CNTN5: variants seen among roughly 807,000 people sequenced by gnomAD.
The protein encoded by CNTN5 is contactin 5.
A neutral mutation model predicts 129.1 loss-of-function variants in CNTN5; 77 were observed. That is an observed-to-expected ratio of 0.60 (90% CI 0.50 to 0.72). The LOEUF (loss-of-function observed/expected upper bound fraction) is 0.72, where lower values mean the gene tolerates loss of function less well. Ranked by LOEUF, CNTN5 falls within the 30% of genes least tolerant of loss-of-function variation. CNTN5 has a pLI of 0.00. For missense variants in CNTN5, 1,478 were observed against 1,328.8 expected (o/e 1.11, Z -1.75); for synonymous variants, 509 against 465.6 (o/e 1.09, Z -1.20).
chr11:100,065,799 A>G (rs1943671787), intron 10 of CNTN5, among the ~76,000 whole-genome samples: 2 of 152,106 alleles, frequency 1.3e-5, no homozygotes, highest in South Asian at 4.1e-4. Context: ...CATTTTATTA[A>G]TGTTACAGAA....
chr11:99,146,864 G>T (rs1187778033), intron 1 of CNTN5, among the ~76,000 whole-genome samples: 2 of 151,996 alleles, frequency 1.3e-5, no homozygotes, highest in African/African-American at 4.8e-5. Context: ...TGAGACTACA[G>T]GCACGTGCCA....
chr11:99,788,974 A>T (rs1945638557), intron 3 of CNTN5, among the ~76,000 whole-genome samples: 1 of 151,850 alleles, frequency 6.6e-6, no homozygotes, highest in Admixed American at 6.6e-5. Context: ...GTAGCTTAAT[A>T]TTTTATTTCT....
At chr11:99,478,476 T>G (rs1051394662) in intron 2 of CNTN5, among the ~76,000 whole-genome samples, 1 of 152,128 alleles carries the variant, frequency 6.6e-6, no homozygotes, top group Non-Finnish European at 1.5e-5. Context: ...TTGTATTATT[T>G]TGCCTAGAAA....
At chr11:99,840,817 T>A (rs922177306) in intron 4 of CNTN5, among the ~76,000 whole-genome samples, 1 of 152,162 alleles carries the variant, frequency 6.6e-6, no homozygotes, top group Non-Finnish European at 1.5e-5. Flanking sequence ...CAACAAGTTA[T>A]AGATTCCATC....
At chr11:99,613,715 A>G (rs1345030017) in intron 3 of CNTN5, among the ~76,000 whole-genome samples, 4 of 152,232 alleles carry the variant, frequency 2.6e-5, no homozygotes, top group African/African-American at 9.6e-5. Context: ...TTGACAAAAT[A>G]ATGATTCACC....
intron 3 of CNTN5, among the ~76,000 whole-genome samples, chr11:99,641,492 A>G (rs1322090862): frequency 6.6e-6 from 1 of 152,150 alleles, no homozygotes; most frequent in African/African-American, 2.4e-5. Flanking sequence ...GATTTAAAGG[A>G]GGAGACGTAG....
At chr11:99,300,367 C>T (rs912909995) in intron 1 of CNTN5, among the ~76,000 whole-genome samples, 5 of 151,772 alleles carry the variant, frequency 3.3e-5, no homozygotes, top group Non-Finnish European at 7.4e-5. Context: ...TTTAATCTAT[C>T]GAGGTGACCA....
At chr11:99,820,770 A>G (rs1025457109) in intron 4 of CNTN5, among the ~76,000 whole-genome samples, 1 of 152,242 alleles carries the variant, frequency 6.6e-6, no homozygotes, top group African/African-American at 2.4e-5. Flanking sequence ...GCTAATTTTC[A>G]TTCACATCAA....
intron 8 of CNTN5, among the ~76,000 whole-genome samples, chr11:99,964,903 T>C (rs1323157813): frequency 1.3e-5 from 2 of 152,110 alleles, no homozygotes; most frequent in East Asian, 1.9e-4. Context: ...GTGTATGTGT[T>C]GAGGAATTTA....
chr11:99,501,024 G>A (rs1008175499), intron 2 of CNTN5, among the ~76,000 whole-genome samples: 3 of 152,084 alleles, frequency 2.0e-5, no homozygotes, highest in South Asian at 2.1e-4. Context: ...GCATACATAC[G>A]TGTATTTGTA....
intron 1 of CNTN5, among the ~76,000 whole-genome samples, chr11:99,031,264 C>T (rs1460365258): frequency 6.6e-6 from 1 of 151,844 alleles, no homozygotes; most frequent in Non-Finnish European, 1.5e-5. Flanking sequence ...GGATTGGCTA[C>T]TATGTCAATG....
At chr11:99,932,883 CTT>C (rs1950225068) in intron 7 of CNTN5, among the ~76,000 whole-genome samples, 2 of 152,274 alleles carry the variant, frequency 1.3e-5, no homozygotes, top group Admixed American at 6.5e-5. Context: ...GTTTTCTTCT[CTT>C]GTCTAAATCT....
chr11:99,917,314 T>G (rs1219383432), intron 7 of CNTN5, among the ~76,000 whole-genome samples: 1 of 152,170 alleles, frequency 6.6e-6, no homozygotes, highest in East Asian at 1.9e-4. Context: ...AAGTTTACAT[T>G]AAACATATCT....
chr11:99,109,337 T>C (rs1313115527), intron 1 of CNTN5, among the ~76,000 whole-genome samples: 1 of 152,182 alleles, frequency 6.6e-6, no homozygotes, highest in Admixed American at 6.5e-5. Context: ...AAAAATTATA[T>C]GTGTAGAACT....
intron 9 of CNTN5, among the ~76,000 whole-genome samples, chr11:100,047,189 A>C (rs1477573834): frequency 6.6e-6 from 1 of 152,168 alleles, no homozygotes; most frequent in African/African-American, 2.4e-5. Context: ...GAAAACCAAC[A>C]AAGAGCCAGA....
chr11:99,912,526 A>C (rs80107467), intron 6 of CNTN5, among the ~76,000 whole-genome samples: 17 of 152,136 alleles, frequency 1.1e-4, no homozygotes, highest in Non-Finnish European at 1.9e-4. Flanking sequence ...ATATTTGTTA[A>C]ATAAATTCAT....
intron 3 of CNTN5, among the ~76,000 whole-genome samples, chr11:99,727,832 G>A (rs56194380): frequency 0.037 from 5,654 of 151,966 alleles, 116 homozygotes; most frequent in Non-Finnish European, 0.052. Flanking sequence ...ATATTAGCTC[G>A]TGCTTATCTA....
intron 3 of CNTN5, among the ~76,000 whole-genome samples, chr11:99,617,293 GTTA>G (rs954140857): frequency 6.6e-6 from 1 of 152,184 alleles, no homozygotes; most frequent in African/African-American, 2.4e-5. Flanking sequence ...TGCAGTGTAA[GTTA>G]TTATTGAAGG....
intron 3 of CNTN5, among the ~76,000 whole-genome samples, chr11:99,637,801 T>C (rs1408141615): frequency 6.6e-6 from 1 of 151,610 alleles, no homozygotes; most frequent in Admixed American, 6.6e-5. Flanking sequence ...ATTATCTACA[T>C]ATTATTTTAT....
Sources: allele counts gnomAD v4.1 joint callset (sites outside exome capture counted in the v4.1 genomes callset), GRCh38; gene constraint gnomAD v4.1.1; transcripts MANE v1.5; gene names NCBI Gene and HGNC (gene_info 2026-07-23, HGNC 2026-07-21).